The following PRIMA1 variants were observed in gnomAD, a reference collection of about 807,000 sequenced individuals.
PRIMA1 encodes proline-rich membrane anchor 1.
Under a neutral mutation model 17.5 loss-of-function variants are expected in PRIMA1, and 7 were observed. The observed-to-expected ratio is 0.40, with a 90% CI of 0.23 to 0.75. PRIMA1 has a LOEUF of 0.75. Among genes scored for constraint, PRIMA1 ranks in the 30% least tolerant of loss-of-function variants. The probability of loss-of-function intolerance (pLI) is 0.37; values close to 1 mark genes in which losing one functional copy is unlikely to be tolerated. For synonymous variants in PRIMA1, 97 were observed against 77.9 expected, an observed-to-expected ratio of 1.25 and a Z score of -1.29; for missense variants, 200 against 201.8, an observed-to-expected ratio of 0.99 and a Z score of 0.05.
intron 3 of PRIMA1, among the ~76,000 whole-genome samples, chr14:93,760,038 C>T (rs932720456): frequency 3.9e-5 from 6 of 152,376 alleles, no homozygotes; most frequent in African/African-American, 7.2e-5. Flanking sequence ...CACAGGGCAA[C>T]AGCTGCCGTC....
chr14:93,774,556 C>A (rs1271732934), intron 3 of PRIMA1, among the ~76,000 whole-genome samples: 1 of 152,236 alleles, frequency 6.6e-6, no homozygotes, highest in South Asian at 2.1e-4. Flanking sequence ...CTGCCTGATC[C>A]TTGGGCTGCT....
chr14:93,777,322 A>C (rs1885247776), intron 3 of PRIMA1, among the ~76,000 whole-genome samples: 1 of 149,140 alleles, frequency 6.7e-6, no homozygotes, highest in African/African-American at 2.4e-5. Context: ...CCTGATTAGC[A>C]ACCTGGAACA....
At chr14:93,724,809 T>C (rs936383695) in intron 4 of PRIMA1, among the ~76,000 whole-genome samples, 33 of 152,222 alleles carry the variant, frequency 2.2e-4, no homozygotes, top group Admixed American at 2.2e-3. Context: ...ATAAAAACAA[T>C]TGCAACAGGT....
chr14:93,780,066 A>G (rs1232116967), intron 2 of PRIMA1, among the ~76,000 whole-genome samples: 1 of 152,076 alleles, frequency 6.6e-6, no homozygotes, highest in East Asian at 1.9e-4. Context: ...ACCTCGTCCC[A>G]TGCTCTCTCC....
Position 93,753,715 on chromosome 14 carries a change from T to C in PRIMA1, c.230-16345A>G, listed in dbSNP as rs74073703. Among the ~76,000 whole-genome samples the C allele has an allele frequency of 3.6e-3, 553 of 152,194 alleles. 5 individuals carry two copies. Among genetic ancestry groups the C allele is most frequent in the African/African-American group, 0.013 (535 of 41,524 alleles). On this transcript the variant is annotated intron_variant, in intron 3 of 4. Coordinates refer to ENST00000393140, the MANE Select transcript of PRIMA1 (RefSeq NM_178013.4). ...CACTGGAGACCCACCCTTGCCTAAG[T>C]GGAGAGATGATGCTGCCCCCTTTGT...
intron 3 of PRIMA1, among the ~76,000 whole-genome samples, chr14:93,756,546 C>A (rs1346707371): frequency 6.6e-6 from 1 of 152,052 alleles, no homozygotes; most frequent in Admixed American, 6.6e-5. Context: ...CCCGACCCCG[C>A]CCCGGCCCTA....
intron 3 of PRIMA1, among the ~76,000 whole-genome samples, chr14:93,743,738 G>C (rs2076198351): frequency 6.6e-6 from 1 of 152,238 alleles, no homozygotes; most frequent in Non-Finnish European, 1.5e-5. Flanking sequence ...AGAGGTGAAA[G>C]GAGTCACAGC....
intron 3 of PRIMA1, among the ~76,000 whole-genome samples, chr14:93,757,302 A>T (rs534060161): frequency 6.6e-6 from 1 of 152,310 alleles, no homozygotes; most frequent in South Asian, 2.1e-4. Context: ...GAGAACCATC[A>T]GCCACCACCA....
intron 3 of PRIMA1, among the ~76,000 whole-genome samples, chr14:93,747,757 C>A (rs1356972228): frequency 6.9e-6 from 1 of 145,356 alleles, no homozygotes; most frequent in African/African-American, 2.6e-5. Context: ...GTGTGGAGTG[C>A]AAGTGTGTGG....
Position 93,726,123 on chromosome 14 carries a change from G to C in PRIMA1, c.360-4577C>G, listed in dbSNP as rs991224996. On this transcript the variant is annotated intron_variant, in intron 4 of 4. Transcript: ENST00000393140. This position sits in a 1 kb window ranked among gnomAD's most constrained non-coding sequence, Gnocchi z 4.2. ...CTTGTCCCCTGCCCTGGGCTTGGAG[G>C]GCAGCAGGCTCCCACATTCCCTGCT... The C allele has an allele frequency of 7.1e-5, 32 of 451,090 alleles. No homozygotes were observed. In the Admixed American group the frequency reaches 7.6e-4, roughly 11 times the overall value. 27.9% of individuals were successfully genotyped at this position (451,090 alleles called of 1,614,324 possible). A position where few individuals can be genotyped will look rare whatever the true frequency, so the allele number is the denominator to read the frequency against.
intron 3 of PRIMA1, among the ~76,000 whole-genome samples, chr14:93,769,545 C>G (rs1371064155): frequency 6.6e-6 from 1 of 152,230 alleles, no homozygotes; most frequent in East Asian, 1.9e-4. Flanking sequence ...GTTTGATGCC[C>G]ACAGTCCCTC....
chr14:93,751,023 A>C (rs1390318299), intron 3 of PRIMA1, among the ~76,000 whole-genome samples: 1 of 152,212 alleles, frequency 6.6e-6, no homozygotes, highest in East Asian at 1.9e-4. Context: ...TACAAGCCTC[A>C]GTTTCCCATC....
intron 2 of PRIMA1, among the ~76,000 whole-genome samples, chr14:93,786,280 C>T (rs1414398957): frequency 6.6e-6 from 1 of 152,202 alleles, no homozygotes; most frequent in Non-Finnish European, 1.5e-5. Flanking sequence ...TTAATAACTG[C>T]TGTTTCACAC....
chr14:93,770,312 C>A (rs974593688), intron 3 of PRIMA1, among the ~76,000 whole-genome samples: 1 of 152,208 alleles, frequency 6.6e-6, no homozygotes, highest in Non-Finnish European at 1.5e-5. Flanking sequence ...ACTCAAAACC[C>A]GCTGGCTTCT....
intron 4 of PRIMA1, among the ~76,000 whole-genome samples, chr14:93,727,010 G>C (rs887535670): frequency 2.6e-5 from 4 of 152,166 alleles, no homozygotes; most frequent in Non-Finnish European, 5.9e-5. Flanking sequence ...CCCCAAACCT[G>C]GGTCAAGAAG....
intron 3 of PRIMA1, among the ~76,000 whole-genome samples, chr14:93,756,662 CCT>C (rs1157786230): frequency 6.6e-6 from 1 of 152,186 alleles, no homozygotes. Flanking sequence ...CCCCCAGCCC[CCT>C]GACTTCCATA....
At chr14:93,740,514 A>G (rs1041899089) in intron 3 of PRIMA1, among the ~76,000 whole-genome samples, 9 of 152,206 alleles carry the variant, frequency 5.9e-5, no homozygotes, top group African/African-American at 2.2e-4. Flanking sequence ...CATTTTCACC[A>G]CAAAGGGAAG....
At chr14:93,731,317 G>A (rs962389385) in intron 4 of PRIMA1, among the ~76,000 whole-genome samples, 1 of 106,258 alleles carries the variant, frequency 9.4e-6, no homozygotes, top group African/African-American at 3.0e-5. Context: ...TTAAATAGCA[G>A]TATACACATC....
chr14:93,729,729 G>A (rs960596439), intron 4 of PRIMA1, among the ~76,000 whole-genome samples: 4 of 152,236 alleles, frequency 2.6e-5, no homozygotes, highest in Admixed American at 6.5e-5. Context: ...CGGGGAGGAA[G>A]AAGAGGAGGT....
Sources: allele counts gnomAD v4.1 joint callset (sites outside exome capture counted in the v4.1 genomes callset), GRCh38; gene constraint gnomAD v4.1.1; non-coding constraint Gnocchi (gnomAD v3.1); transcripts MANE v1.5; gene names NCBI Gene and HGNC (gene_info 2026-07-23, HGNC 2026-07-21).